Variants in FBXL5 observed in about 807,000 individuals in gnomAD.
FBXL5 encodes the protein F-box and leucine rich repeat protein 5, also known as F-box/LRR-repeat protein 5.
A neutral mutation model predicts 78.3 loss-of-function variants in FBXL5; 26 were observed. The ratio of observed to expected loss-of-function variants is 0.33; its 90% CI spans 0.24 to 0.46. The LOEUF (loss-of-function observed/expected upper bound fraction) is 0.46, where lower values mean the gene tolerates loss of function less well. FBXL5 is among the 20% of genes least tolerant of loss of function. The probability of loss-of-function intolerance (pLI) is 1.00; values close to 1 mark genes in which losing one functional copy is unlikely to be tolerated. For synonymous variants in FBXL5, 295 were observed against 282.5 expected (o/e 1.04, Z -0.45); for missense variants, 710 against 829.2 (o/e 0.86, Z 1.77).
upstream of FBXL5, chr4:15,655,401 C>A (rs950960359): frequency 2.0e-6 from 2 of 1,025,334 alleles, no homozygotes; most frequent in African/African-American, 3.6e-5. Flanking sequence ...CCCGTCGGCG[C>A]GCGCGCCCGG....
chr4:15,638,375 A>G, intron 4 of FBXL5, 133 bp downstream of exon 4: 1 of 494,282 alleles, frequency 2.0e-6, no homozygotes, highest in Non-Finnish European at 3.4e-6. Flanking sequence ...TTGATACATG[A>G]AAATAATGCC....
At chr4:15,646,127 T>G (rs1715323890) in intron 1 of FBXL5, among the ~76,000 whole-genome samples, 1 of 152,204 alleles carries the variant, frequency 6.6e-6, no homozygotes, top group Non-Finnish European at 1.5e-5. Flanking sequence ...TAGCAATTAT[T>G]TACCTCAGCA....
intron 8 of FBXL5, 54 bp downstream of exon 8, chr4:15,626,819 T>C (rs1713109017): frequency 7.8e-7 from 1 of 1,287,938 alleles, no homozygotes. Flanking sequence ...ATTACATAAA[T>C]GAAACCTTAT....
At position 15,605,360 on chromosome 4, in the gene FBXL5, G is replaced by A. The variant is rs1721816059; in HGVS notation, c.*363C>T. ...GAAAAGATCTGCAAAGCTTGGTACAGTGTTAATGTGTAAAGAGAACCAATC... is the reference window on the plus strand; with the variant it reads ...GAAAAGATCTGCAAAGCTTGGTACAATGTTAATGTGTAAAGAGAACCAATC... On this transcript the variant is annotated 3_prime_UTR_variant, in exon 11 of 11. Transcript: ENST00000341285. 1.1e-5 allele frequency: 2 copies of A among 174,526 alleles called. No individual in the cohort carries two copies. Among genetic ancestry groups the A allele is most frequent in the African/African-American group, 4.7e-5 (2 of 42,402 alleles). The allele number at this position is 174,526 out of a possible 1,614,324, so 10.8% of individuals were successfully genotyped here. A position where few individuals can be genotyped will look rare whatever the true frequency, so the allele number is the denominator to read the frequency against.
chr4:15,661,766 G>A (rs1333983673), upstream of FBXL5, among the ~76,000 whole-genome samples: 2 of 152,200 alleles, frequency 1.3e-5, no homozygotes, highest in African/African-American at 2.4e-5. Context: ...GAATTACAGA[G>A]TGGCTTATGG....
At chr4:15,605,867 T>C in intron 10 of FBXL5, 68 bp from the exon 11 acceptor site, 2 of 1,249,292 alleles carry the variant, frequency 1.6e-6, no homozygotes, top group South Asian at 1.2e-5. Context: ...ATTTTGCTTA[T>C]GAAGGAGTTA....
intron 10 of FBXL5, among the ~76,000 whole-genome samples, chr4:15,607,485 A>G (rs995868825): frequency 1.3e-5 from 2 of 152,218 alleles, no homozygotes; most frequent in Non-Finnish European, 2.9e-5. Flanking sequence ...TCACAAACTC[A>G]AGATAAAATG....
intron 9 of FBXL5, among the ~76,000 whole-genome samples, chr4:15,618,119 T>A (rs1425155895): frequency 6.6e-6 from 1 of 152,196 alleles, no homozygotes; most frequent in Non-Finnish European, 1.5e-5. Flanking sequence ...AAGTTTGTTC[T>A]CTGAGAATTT....
intron 1 of FBXL5, among the ~76,000 whole-genome samples, chr4:15,654,670 G>C (rs1408747105): frequency 6.6e-6 from 1 of 152,222 alleles, no homozygotes; most frequent in African/African-American, 2.4e-5. Flanking sequence ...AAAAGGAACC[G>C]GGTAGCTGGG....
chr4:15,646,431 T>C (rs1348503826), intron 1 of FBXL5, among the ~76,000 whole-genome samples: 1 of 149,892 alleles, frequency 6.7e-6, no homozygotes, highest in Non-Finnish European at 1.5e-5. Context: ...GTGGCTAATC[T>C]CTGCAAACAC....
rs992325233 is a variant in FBXL5 at position 15,605,175 on chromosome 4, C to G, written c.*548G>C. On this transcript the variant is annotated 3_prime_UTR_variant, in exon 11 of 11. Transcript: ENST00000341285. ...GCTTTCCTAGCTCACTGAGCTAACA[C>G]TCAGAAGCCAATTTATTCTATAATC... is the stretch of plus-strand genomic sequence containing the variant. 1 of 152,776 alleles carries G rather than the reference C, an allele frequency of 6.5e-6. No homozygotes were observed. The highest frequency in any genetic ancestry group is 2.4e-5 in the African/African-American group (1 of 41,458). 9.5% of individuals were successfully genotyped at this position (152,776 alleles called of 1,614,324 possible). A position where few individuals can be genotyped will look rare whatever the true frequency, so the allele number is the denominator to read the frequency against.
chr4:15,659,820 G>T, upstream of FBXL5: 1 of 757,942 alleles, frequency 1.3e-6, no homozygotes, highest in Non-Finnish European at 1.6e-6. Flanking sequence ...CTTGTAGGGA[G>T]AAAGAATGGT....
At chr4:15,607,264 T>C (rs1721954079) in intron 10 of FBXL5, among the ~76,000 whole-genome samples, 1 of 152,238 alleles carries the variant, frequency 6.6e-6, no homozygotes, top group Admixed American at 6.5e-5. Context: ...TTCGTTGTAT[T>C]ATTCGATGTT....
intron 9 of FBXL5, among the ~76,000 whole-genome samples, chr4:15,623,701 C>T (rs970682015): frequency 7.9e-5 from 12 of 151,840 alleles, no homozygotes; most frequent in Admixed American, 3.9e-4. Flanking sequence ...TAACATATGC[C>T]CTTGGATTTG....
Position 15,625,447 on chromosome 4 carries a change from C to T in FBXL5, c.1655G>A (p.Cys552Tyr), listed in dbSNP as rs1346306925. The T allele has an allele frequency of 1.2e-6, 2 of 1,613,960 alleles. No individual in the cohort carries two copies. Among genetic ancestry groups the T allele is most frequent in the Non-Finnish European group, 1.7e-6 (2 of 1,179,950 alleles). ...CATAGTTCTTAAAGCTGTTCCTGTA[C>T]AACAAAATGAGTGACCACAATACGC... ...AFAYCGHSFC[C>Y]TGTALRTMSS... Residue 552 changes from cysteine (C) to tyrosine (Y), a missense_variant, in exon 9 of 11, where the codon TGT becomes TAT. By Grantham distance (194) the Cys-to-Tyr change is radical. This residue lies in a region of FBXL5 where 517 missense variants were observed against 542.9 expected (regional missense o/e 0.95). Transcript: ENST00000341285.
At chr4:15,661,572 T>C (rs1717307606), upstream of FBXL5, among the ~76,000 whole-genome samples, 1 of 152,232 alleles carries the variant, frequency 6.6e-6, no homozygotes. Context: ...AAGGGACTTG[T>C]CACATTTAGT....
intron 9 of FBXL5, among the ~76,000 whole-genome samples, chr4:15,622,462 A>ATC (rs554453743): frequency 2.6e-5 from 4 of 152,172 alleles, no homozygotes; most frequent in African/African-American, 7.2e-5. Context: ...CCCTAATTTT[A>ATC]TCTCTCTCTC....
In FBXL5 at chr4:15,649,213, C is replaced by T. The variant is rs140282431; in HGVS notation, c.85-4505G>A. Among the ~76,000 whole-genome samples the T allele has an allele frequency of 7.1e-4, 108 of 151,742 alleles. 1 individual carries two copies. The highest frequency in any genetic ancestry group is 2.6e-3 in the African/African-American group (106 of 41,396). On this transcript the variant is annotated intron_variant, in intron 1 of 10. Coordinates refer to ENST00000341285, the MANE Select transcript of FBXL5 (RefSeq NM_012161.4). ...AAAAGTCCTTAAAGATACTACCCAACTCAGTTTTTCTCCACATGAAAAGTG... is the reference window on the plus strand; with the variant it reads ...AAAAGTCCTTAAAGATACTACCCAATTCAGTTTTTCTCCACATGAAAAGTG...
upstream of FBXL5, chr4:15,655,419 G>A: frequency 1.0e-6 from 1 of 999,964 alleles, no homozygotes; most frequent in Non-Finnish European, 1.2e-6. Flanking sequence ...CGGTCGGCTT[G>A]GCCGGCGGGG....
Sources: allele counts gnomAD v4.1 joint callset (sites outside exome capture counted in the v4.1 genomes callset), GRCh38; gene constraint gnomAD v4.1.1; regional missense constraint gnomAD v4.1.1; transcripts MANE v1.5; gene names NCBI Gene and HGNC (gene_info 2026-07-23, HGNC 2026-07-21).